The following CADPS variants were observed in gnomAD, a reference collection of about 807,000 sequenced individuals.
CADPS encodes calcium dependent secretion activator.
Under a neutral mutation model 167.3 loss-of-function variants are expected in CADPS, and 57 were observed. That is an observed-to-expected ratio of 0.34 (90% CI 0.28 to 0.42). CADPS has a LOEUF of 0.42. CADPS is among the 20% of genes least tolerant of loss of function. CADPS has a pLI of 1.00. For missense variants in CADPS, 1,414 were observed against 1,738.1 expected (o/e 0.81, Z 3.32); for synonymous variants, 676 against 635.3 (o/e 1.06, Z -0.96).
At chr3:62,517,070 G>C (rs2069166743) in intron 14 of CADPS, among the ~76,000 whole-genome samples, 2 of 152,154 alleles carry the variant, frequency 1.3e-5, no homozygotes, top group African/African-American at 2.4e-5. Flanking sequence ...AGTGGATTTA[G>C]AGCAAATTCA....
Position 62,465,591 on chromosome 3 carries a change from G to A in CADPS, c.3553-141C>T, listed in dbSNP as rs951972666. ...AGTCTATTATTTGATTCCCGCCTTCGGAGAAAGGAATAGACTGCCTTTACA... is the reference window on the plus strand; with the variant it reads ...AGTCTATTATTTGATTCCCGCCTTCAGAGAAAGGAATAGACTGCCTTTACA... On this transcript the variant is annotated intron_variant, in intron 25 of 29. Transcript: ENST00000383710. The surrounding 1 kb of genome is among the most constrained non-coding windows in gnomAD (Gnocchi z 4.1). The A allele has an allele frequency of 1.5e-5, 8 of 543,044 alleles. No homozygotes were observed. The highest frequency in any genetic ancestry group is 1.4e-4 in the Admixed American group (4 of 28,712). The allele number at this position is 543,044 out of a possible 1,614,324, so 33.6% of individuals were successfully genotyped here. A position where few individuals can be genotyped will look rare whatever the true frequency, so the allele number is the denominator to read the frequency against.
intron 24 of CADPS, among the ~76,000 whole-genome samples, chr3:62,473,307 C>T (rs1007215947): frequency 2.0e-5 from 3 of 152,054 alleles, no homozygotes; most frequent in Non-Finnish European, 4.4e-5. Flanking sequence ...ATACCACCAA[C>T]CCACATTTAA....
At chr3:62,775,589 T>C (rs181346218) in intron 1 of CADPS, among the ~76,000 whole-genome samples, 188 of 152,348 alleles carry the variant, frequency 1.2e-3, no homozygotes, top group African/African-American at 4.4e-3. Flanking sequence ...CAGTTGTTTT[T>C]CTTGAAGTAA....
chr3:62,460,338 T>A (rs1389960552), intron 26 of CADPS, among the ~76,000 whole-genome samples: 2 of 152,156 alleles, frequency 1.3e-5, no homozygotes, highest in Non-Finnish European at 2.9e-5. Context: ...TAGAAGCCAA[T>A]TGACTTAAAA....
intron 1 of CADPS, among the ~76,000 whole-genome samples, chr3:62,803,548 C>G (rs1306703448): frequency 6.6e-6 from 1 of 152,008 alleles, no homozygotes; most frequent in Non-Finnish European, 1.5e-5. Flanking sequence ...CACGTGTCAA[C>G]AGTGGGGAGA....
chr3:62,717,509 C>T (rs745999811), intron 3 of CADPS, among the ~76,000 whole-genome samples: 3 of 152,178 alleles, frequency 2.0e-5, no homozygotes, highest in Admixed American at 1.3e-4. Context: ...ATAACACCTA[C>T]ATTCAACCCA....
chr3:62,702,834 G>T (rs1007403860), intron 3 of CADPS, among the ~76,000 whole-genome samples: 3 of 152,076 alleles, frequency 2.0e-5, no homozygotes, highest in Non-Finnish European at 4.4e-5. Flanking sequence ...CTACCATGTT[G>T]GACAGCAGAG....
chr3:62,821,327 C>T (rs878959292), intron 1 of CADPS, among the ~76,000 whole-genome samples: 1 of 152,006 alleles, frequency 6.6e-6, no homozygotes, highest in South Asian at 2.1e-4. Flanking sequence ...TTCTAGGCTG[C>T]CTTAACAAAA....
At chr3:62,796,963 AG>A (rs1464108328) in intron 1 of CADPS, among the ~76,000 whole-genome samples, 2 of 152,184 alleles carry the variant, frequency 1.3e-5, no homozygotes, top group African/African-American at 4.8e-5. Flanking sequence ...GCGAAGCTTA[AG>A]TCCTTATTTT....
At chr3:62,808,594 T>A (rs1456523289) in intron 1 of CADPS, among the ~76,000 whole-genome samples, 1 of 152,142 alleles carries the variant, frequency 6.6e-6, no homozygotes, top group Non-Finnish European at 1.5e-5. Flanking sequence ...CTCCCTGACC[T>A]TCCTTCCCAG....
At chr3:62,523,842 C>T (rs79729037) in intron 13 of CADPS, among the ~76,000 whole-genome samples, 3,698 of 152,272 alleles carry the variant, frequency 0.024, 56 homozygotes, top group East Asian at 0.055. Flanking sequence ...GTGCAGGCAC[C>T]GTAAACATGA....
chr3:62,474,122 A>G (rs2060953486), intron 24 of CADPS, 51 bp downstream of exon 24: 2 of 1,283,446 alleles, frequency 1.6e-6, no homozygotes, highest in Non-Finnish European at 2.1e-6. Context: ...TTTCTTCTAC[A>G]TGATCAATGA....
intron 3 of CADPS, among the ~76,000 whole-genome samples, chr3:62,664,341 T>G (rs2074002110): frequency 6.6e-6 from 1 of 152,220 alleles, no homozygotes; most frequent in African/African-American, 2.4e-5. Context: ...GCTAGAATTT[T>G]TATTTTTTGC....
intron 1 of CADPS, among the ~76,000 whole-genome samples, chr3:62,846,763 G>A (rs1006188699): frequency 1.3e-5 from 2 of 151,950 alleles, no homozygotes; most frequent in Non-Finnish European, 2.9e-5. Context: ...TCCAGAGTTC[G>A]AGCAATTCTT....
intron 26 of CADPS, among the ~76,000 whole-genome samples, chr3:62,459,199 A>G (rs2059047580): frequency 6.6e-6 from 1 of 152,242 alleles, no homozygotes; most frequent in African/African-American, 2.4e-5. Flanking sequence ...AACAAAATAC[A>G]TTAGAAAAAA....
intron 24 of CADPS, chr3:62,467,359 G>T: frequency 8.8e-7 from 1 of 1,139,782 alleles, no homozygotes; most frequent in Non-Finnish European, 1.1e-6. Context: ...AAGGAACAGT[G>T]CAAATACAAA....
chr3:62,741,845 C>T (rs528069005), intron 3 of CADPS, among the ~76,000 whole-genome samples: 2 of 152,306 alleles, frequency 1.3e-5, no homozygotes, highest in Admixed American at 6.5e-5. Flanking sequence ...TCCCTGTTTG[C>T]AGATGACATG....
chr3:62,621,465 CTTCTT>C (rs2063156156), intron 6 of CADPS, among the ~76,000 whole-genome samples: 1 of 152,116 alleles, frequency 6.6e-6, no homozygotes. Context: ...GTCCTATTCA[CTTCTT>C]TTAAGAAATA....
intron 15 of CADPS, 72 bp downstream of exon 15, chr3:62,516,508 C>A: frequency 1.6e-6 from 2 of 1,233,906 alleles, no homozygotes; most frequent in Non-Finnish European, 1.1e-6. Context: ...GTCATTCAAC[C>A]AAAACATTTC....
Sources: allele counts gnomAD v4.1 joint callset (sites outside exome capture counted in the v4.1 genomes callset), GRCh38; gene constraint gnomAD v4.1.1; non-coding constraint Gnocchi (gnomAD v3.1); transcripts MANE v1.5; gene names NCBI Gene and HGNC (gene_info 2026-07-23, HGNC 2026-07-21).